Variants in CALCOCO1 observed in about 807,000 individuals in gnomAD.
CALCOCO1 encodes the protein calcium binding and coiled-coil domain 1, also known as calcium-binding and coiled-coil domain-containing protein 1.
In CALCOCO1, 44 loss-of-function variants were observed where a neutral mutation model predicts 86.3. The observed-to-expected ratio is 0.51, with a 90% CI of 0.40 to 0.66. The LOEUF (loss-of-function observed/expected upper bound fraction) is 0.66, where lower values mean the gene tolerates loss of function less well. Among genes scored for constraint, CALCOCO1 ranks in the 30% least tolerant of loss-of-function variants. The pLI is 0.00. For missense variants in CALCOCO1, 708 were observed against 851.1 expected, an observed-to-expected ratio of 0.83 and a Z score of 2.09; for synonymous variants, 297 against 327.6, an observed-to-expected ratio of 0.91 and a Z score of 1.01.
chr12:53,724,823 T>G, intron 2 of CALCOCO1, 76 bp from the exon 3 acceptor site: 1 of 1,203,122 alleles, frequency 8.3e-7, no homozygotes, highest in Non-Finnish European at 1.2e-6. Flanking sequence ...GCTGAGGGGT[T>G]GAATAAGGGG....
At chr12:53,721,768 C>T in intron 5 of CALCOCO1, 153 bp from the exon 6 acceptor site, 1 of 992,602 alleles carries the variant, frequency 1.0e-6, no homozygotes. Flanking sequence ...GGGAACATTC[C>T]CTTACCTATC....
chr12:53,725,196 T>C lies in CALCOCO1; in HGVS notation c.47A>G (p.Asn16Ser). ...LSRAPSRGGV[N>S]FLNVARTYIP... Reference sequence around the variant, plus strand: ...GTAGGTCCGGGCTACATTGAGAAAGTTGACTCCACCACGGGATGGTGCCCG... The same window carrying C: ...GTAGGTCCGGGCTACATTGAGAAAGCTGACTCCACCACGGGATGGTGCCCG... The change falls in exon 2 of 15, where the codon AAC (asparagine) becomes AGC (serine). Residue 16 changes from asparagine (N) to serine (S), a missense_variant. Physicochemically the swap from Asn to Ser is conservative, Grantham distance 46 (BLOSUM62 1). Transcript: ENST00000550804. 1 of 1,612,424 alleles carries C rather than the reference T, an allele frequency of 6.2e-7. No individual in the cohort carries two copies. Among genetic ancestry groups the C allele is most frequent in the Non-Finnish European group, 8.5e-7 (1 of 1,179,180 alleles).
In CALCOCO1 at chr12:53,713,830, A is replaced by G; in HGVS notation, c.1662T>C (p.Leu554=). 6.4e-7 allele frequency: 1 copy of G among 1,561,938 alleles called. No homozygotes were observed. Among genetic ancestry groups the G allele is most frequent in the African/African-American group, 1.4e-5 (1 of 72,986 alleles). ...PEDMRLPPYG[L]CERGDPGSSP... is the part of the protein sequence containing the mutation. ...AGGAGCCTGGGTCTCCACGCTCACA[A>G]AGGCCATAGGGTGGGAGCCTCATGT... The change falls in exon 13 of 15, where the codon CTT becomes CTC. Residue 554 remains leucine, a synonymous_variant. Coordinates refer to ENST00000550804, the MANE Select transcript of CALCOCO1 (RefSeq NM_020898.3).
chr12:53,719,532 A>C (rs1945813612), intron 7 of CALCOCO1, among the ~76,000 whole-genome samples: 1 of 152,150 alleles, frequency 6.6e-6, no homozygotes, highest in Admixed American at 6.5e-5. Flanking sequence ...TCTCCAAAAA[A>C]CAAACAAAAA....
Position 53,709,970 on chromosome 12 carries a change from A to T in CALCOCO1, c.*1974T>A, listed in dbSNP as rs1945517486. On this transcript the variant is annotated 3_prime_UTR_variant, in exon 15 of 15. Transcript: ENST00000550804. ...AATTCCTCTCTGATTAACCCCCACT[A>T]CCCCGGCAAGTTTATAGGCCAAGAG... 6.6e-6 allele frequency: 1 copy of T among 150,996 alleles called. No homozygotes were observed. The highest frequency in any genetic ancestry group is 6.6e-5 in the Admixed American group (1 of 15,100). The allele number at this position is 150,996 out of a possible 1,614,324, so 9.4% of individuals were successfully genotyped here.
chr12:53,723,450 TC>T, intron 4 of CALCOCO1, 142 bp downstream of exon 4: 1 of 795,402 alleles, frequency 1.3e-6, no homozygotes. Context: ...ACTGAGACTC[TC>T]CTGGAGGCAG....
intron 9 of CALCOCO1, 159 bp downstream of exon 9, chr12:53,715,634 G>T: frequency 1.1e-5 from 11 of 980,676 alleles, no homozygotes; most frequent in Non-Finnish European, 1.6e-5. Flanking sequence ...GTCATGCCTA[G>T]AAAGTAAAGT....
Position 53,724,747 on chromosome 12 carries a change from C to A in CALCOCO1, c.157G>T (p.Val53Leu). 6.2e-7 allele frequency: 1 copy of A among 1,610,114 alleles called. No individual in the cohort carries two copies. The highest frequency in any genetic ancestry group is 8.5e-7 in the Non-Finnish European group (1 of 1,177,722). ...SASDWIGIFKVEAACVRDYHT... is the reference protein window; with the variant it reads ...SASDWIGIFKLEAACVRDYHT... ...TAATCCCGAACACAGGCAGCCTCCA[C>A]CTGTGAAAGCCCAAGGTTGGAGAAA... The change falls in exon 3 of 15, where the codon GTG becomes TTG. Residue 53 changes from valine (V) to leucine (L), a missense_variant and splice_region_variant. By Grantham distance (32) the Val-to-Leu change is conservative. Transcript: ENST00000550804.
chr12:53,719,859 A>G lies in CALCOCO1; in HGVS notation c.759-30T>C, dbSNP rs1227906790. 2.0e-6 allele frequency: 3 copies of G among 1,477,254 alleles called. No homozygotes were observed. The Admixed American group carries it at 5.0e-5, about 25-fold the overall frequency. 91.5% of individuals were successfully genotyped at this position (1,477,254 alleles called of 1,614,324 possible). A position where few individuals can be genotyped will look rare whatever the true frequency, so the allele number is the denominator to read the frequency against. ...GATTGGTGGGATGACATGTCAGACA[A>G]TCTGCTCCACCCAGAGAAGGAATGG... On this transcript the variant is annotated intron_variant, in intron 6 of 14. Coordinates refer to ENST00000550804, the MANE Select transcript of CALCOCO1 (RefSeq NM_020898.3).
At position 53,725,088 on chromosome 12, in the gene CALCOCO1, T is replaced by C; in HGVS notation, c.155A>G (p.Lys52Arg). ...PSASDWIGIFKVEAACVRDYH... is the reference protein window; with the variant it reads ...PSASDWIGIFRVEAACVRDYH... ...AGCCAAAAGGGGTTCCAGAGATACC[T>C]TGAAGATGCCAATCCAGTCACTGGC... Residue 52 changes from lysine (K) to arginine (R), a missense_variant and splice_region_variant, in exon 2 of 15, where the codon AAG becomes AGG. Physicochemically the swap from Lys to Arg is conservative, Grantham distance 26. Transcript: ENST00000550804. The C allele has an allele frequency of 1.9e-6, 3 of 1,596,256 alleles. No individual in the cohort carries two copies. Among genetic ancestry groups the C allele is most frequent in the South Asian group, 1.1e-5 (1 of 88,050 alleles).
intron 1 of CALCOCO1, among the ~76,000 whole-genome samples, chr12:53,727,195 G>GGGGGC (rs1946061256): frequency 1.3e-5 from 2 of 152,134 alleles, no homozygotes; most frequent in Admixed American, 1.3e-4. Flanking sequence ...AGGACGACGA[G>GGGGGC]GGGGCGCCCC....
chr12:53,724,609 G>T, intron 3 of CALCOCO1, 36 bp downstream of exon 3: 1 of 1,515,726 alleles, frequency 6.6e-7, no homozygotes, highest in Non-Finnish European at 9.2e-7. Context: ...CCACTCCCTT[G>T]GCTCCTCTCT....
chr12:53,719,125 A>G (rs940204575), intron 7 of CALCOCO1, among the ~76,000 whole-genome samples: 7 of 151,496 alleles, frequency 4.6e-5, no homozygotes, highest in African/African-American at 1.5e-4. Context: ...GATTACAGGC[A>G]TGAGCCACTG....
At position 53,714,145 on chromosome 12, in the gene CALCOCO1, C is replaced by T. The variant is rs115704643; in HGVS notation, c.1579G>A (p.Ala527Thr). 8.3e-4 allele frequency: 1,336 copies of T among 1,609,934 alleles called. 7 individuals carry two copies. In the African/African-American group the frequency reaches 0.015, roughly 18 times the overall value. ...EDATTEDEEA[A>T]VGLSCPAALT... ...GGGCTACACGGACTCAGCCCCACAG[C>T]GGCCTCCTCATCCTCTGTGGTGGCA... The change falls in exon 12 of 15, where the codon GCT becomes ACT. Residue 527 changes from alanine to threonine, a missense_variant. Transcript: ENST00000550804.
intron 2 of CALCOCO1, 63 bp from the exon 3 acceptor site, chr12:53,724,810 AGGGCTGAGGG>A: frequency 2.2e-6 from 3 of 1,346,872 alleles, no homozygotes; most frequent in Non-Finnish European, 3.1e-6. Flanking sequence ...GATGGAAGAA[AGGGCTGAGGG>A]GTTGAATAAG....
Position 53,709,659 on chromosome 12 carries a change from A to G in CALCOCO1, c.*2285T>C, listed in dbSNP as rs1274049598. On this transcript the variant is annotated 3_prime_UTR_variant, in exon 15 of 15. Transcript: ENST00000550804. ...CGAGGTTGGAAAGAACAAAACCTAT[A>G]CCGCAGTCCTCTTAAGTGCTTTTAG... 2 of 152,280 alleles carry G rather than the reference A, an allele frequency of 1.3e-5. No individual in the cohort carries two copies. Among genetic ancestry groups the G allele is most frequent in the Non-Finnish European group, 2.9e-5 (2 of 68,126 alleles). The allele number at this position is 152,280 out of a possible 1,614,324, so 9.4% of individuals were successfully genotyped here.
chr12:53,724,547 C>T, intron 3 of CALCOCO1, 98 bp downstream of exon 3: 1 of 844,316 alleles, frequency 1.2e-6, no homozygotes, highest in Admixed American at 2.0e-5. Context: ...TTTTCCTTGT[C>T]CTTTGTGCCT....
intron 6 of CALCOCO1, among the ~76,000 whole-genome samples, chr12:53,720,481 A>C (rs906956243): frequency 2.0e-5 from 3 of 152,244 alleles, no homozygotes; most frequent in African/African-American, 7.2e-5. Context: ...TGTGGGCCAT[A>C]GTTGTTGACC....
rs1173269113 is a variant in CALCOCO1 at position 53,714,546 on chromosome 12, C to G, written c.1482+52G>C. 4 of 1,351,548 alleles carry G rather than the reference C, an allele frequency of 3.0e-6. No individual in the cohort carries two copies. The South Asian group carries it at 4.7e-5, about 16-fold the overall frequency. The allele number at this position is 1,351,548 out of a possible 1,614,324, so 83.7% of individuals were successfully genotyped here. ...TGACAGGAATTTACAAAGTTTCTAGCCCTCAAGTCCTCACCTGTGGCATCC... is the reference window on the plus strand; with the variant it reads ...TGACAGGAATTTACAAAGTTTCTAGGCCTCAAGTCCTCACCTGTGGCATCC... On this transcript the variant is annotated intron_variant, in intron 11 of 14. Transcript: ENST00000550804.
Sources: allele counts gnomAD v4.1 joint callset (sites outside exome capture counted in the v4.1 genomes callset), GRCh38; gene constraint gnomAD v4.1.1; transcripts MANE v1.5; gene names NCBI Gene and HGNC (gene_info 2026-07-23, HGNC 2026-07-21).